Variants in ZSWIM5 observed in about 807,000 individuals in gnomAD.
The protein encoded by ZSWIM5 is zinc finger SWIM domain-containing protein 5.
In ZSWIM5, 55 loss-of-function variants were observed where a neutral mutation model predicts 119.6. The ratio of observed to expected loss-of-function variants is 0.46; its 90% CI spans 0.37 to 0.58. The LOEUF is 0.58. Among genes scored for constraint, ZSWIM5 ranks in the 20% least tolerant of loss-of-function variants. The probability of loss-of-function intolerance (pLI) is 0.00; values close to 1 mark genes in which losing one functional copy is unlikely to be tolerated. For missense variants in ZSWIM5, 1,193 were observed against 1,512.8 expected (o/e 0.79, Z 3.51); for synonymous variants, 537 against 606.9 (o/e 0.88, Z 1.69).
intron 1 of ZSWIM5, among the ~76,000 whole-genome samples, chr1:45,171,485 G>C (rs979150078): frequency 1.5e-4 from 23 of 151,946 alleles, no homozygotes; most frequent in African/African-American, 5.6e-4. Context: ...TCTCTGAAAC[G>C]AAAGTCTACT....
chr1:45,036,193 C>T lies in ZSWIM5; in HGVS notation c.2001G>A (p.Met667Ile). The T allele has an allele frequency of 6.2e-7, 1 of 1,614,106 alleles. No individual in the cohort carries two copies. The highest frequency in any genetic ancestry group is 2.2e-5 in the East Asian group (1 of 44,874). The change falls in exon 9 of 14, where the codon ATG (methionine) becomes ATA (isoleucine). Residue 667 changes from methionine (M) to isoleucine (I), a missense_variant. This residue lies in a region of ZSWIM5 where 961 missense variants were observed against 1,290.0 expected (regional missense o/e 0.74). Transcript: ENST00000359600. Reference protein sequence around the residue: ...YLSLALEVALMGLGQQRLMPE... With the variant: ...YLSLALEVALIGLGQQRLMPE... ...GCATTAACCTCTGTTGACCCAGGCCCATCAGTGCAACTTCCAGGGCCAATG... is the reference window on the plus strand; with the variant it reads ...GCATTAACCTCTGTTGACCCAGGCCTATCAGTGCAACTTCCAGGGCCAATG...
At chr1:45,122,898 C>G (rs1054979166) in intron 1 of ZSWIM5, among the ~76,000 whole-genome samples, 1 of 152,166 alleles carries the variant, frequency 6.6e-6, no homozygotes, top group Admixed American at 6.5e-5. Context: ...CTATGTCCTC[C>G]TCTCCCTGCT....
At chr1:45,068,036 C>T (rs889681217) in intron 2 of ZSWIM5, among the ~76,000 whole-genome samples, 2 of 149,954 alleles carry the variant, frequency 1.3e-5, no homozygotes, top group African/African-American at 4.9e-5. Context: ...AGCATTGAGG[C>T]TTATATAATG....
intron 1 of ZSWIM5, among the ~76,000 whole-genome samples, chr1:45,171,915 A>G (rs1645948123): frequency 6.6e-6 from 1 of 152,154 alleles, no homozygotes; most frequent in African/African-American, 2.4e-5. Context: ...TCTATAACAT[A>G]AAAAGTGTAA....
At chr1:45,184,198 AC>A (rs1425690244) in intron 1 of ZSWIM5, among the ~76,000 whole-genome samples, 14 of 152,174 alleles carry the variant, frequency 9.2e-5, no homozygotes, top group East Asian at 1.9e-4. Flanking sequence ...AAATTCAACA[AC>A]CCTTCATGCT....
chr1:45,114,954 G>A (rs1029653847), intron 1 of ZSWIM5, among the ~76,000 whole-genome samples: 11 of 152,114 alleles, frequency 7.2e-5, no homozygotes, highest in African/African-American at 2.7e-4. Flanking sequence ...GAGAGCACGG[G>A]GTTGGGGGTA....
At chr1:45,153,416 G>A (rs1007364798) in intron 1 of ZSWIM5, among the ~76,000 whole-genome samples, 1 of 151,008 alleles carries the variant, frequency 6.6e-6, no homozygotes, top group African/African-American at 2.4e-5. Context: ...TGAGACATGA[G>A]AATCGCTTGA....
intron 2 of ZSWIM5, chr1:45,070,059 C>T: frequency 1.2e-6 from 1 of 866,390 alleles, no homozygotes; most frequent in East Asian, 2.4e-5. Flanking sequence ...ACACACGAAT[C>T]CAATGACTAG....
At chr1:45,108,671 A>G (rs1265707935) in intron 1 of ZSWIM5, among the ~76,000 whole-genome samples, 1 of 151,748 alleles carries the variant, frequency 6.6e-6, no homozygotes, top group Non-Finnish European at 1.5e-5. Context: ...TGATCTTATA[A>G]TAGTGTCTGG....
At chr1:45,121,648 G>A (rs984741859) in intron 1 of ZSWIM5, among the ~76,000 whole-genome samples, 2 of 142,476 alleles carry the variant, frequency 1.4e-5, no homozygotes, top group African/African-American at 5.4e-5. Flanking sequence ...TGCCTAGGCT[G>A]GAGTGCAGTG....
intron 2 of ZSWIM5, chr1:45,070,028 T>A: frequency 3.8e-6 from 3 of 786,268 alleles, no homozygotes; most frequent in Non-Finnish European, 7.0e-6. Context: ...CTTGAGTAGC[T>A]ATGAAAAACC....
At chr1:45,104,340 T>C (rs1645456825) in intron 1 of ZSWIM5, among the ~76,000 whole-genome samples, 1 of 152,226 alleles carries the variant, frequency 6.6e-6, no homozygotes, top group Admixed American at 6.5e-5. Context: ...CTCCATATAC[T>C]ATCGATACAA....
intron 1 of ZSWIM5, among the ~76,000 whole-genome samples, chr1:45,120,411 C>A (rs1031705586): frequency 6.6e-6 from 1 of 152,178 alleles, no homozygotes; most frequent in Admixed American, 6.5e-5. Flanking sequence ...AACACACTCT[C>A]AATTTCTCAT....
rs372952546 is a variant in ZSWIM5 at position 45,069,287 on chromosome 1, G to A, written c.953-9040C>T. 2.7e-4 allele frequency among the ~76,000 whole-genome samples: 41 copies of A among 152,148 alleles called. 1 individual carries two copies. In the East Asian group the frequency reaches 4.5e-3, roughly 17 times the overall value. On this transcript the variant is annotated intron_variant, in intron 2 of 13. Transcript: ENST00000359600. ...TAAAAATACAAAAAATTAGCCGGGC[G>A]TGGTGGTGGGCGCCTGGAGTCCCAG...
At chr1:45,071,454 C>CTCTTT (rs374225772) in intron 2 of ZSWIM5, among the ~76,000 whole-genome samples, 3 of 93,748 alleles carry the variant, frequency 3.2e-5, no homozygotes, top group East Asian at 3.4e-4. Flanking sequence ...GACAGAATCT[C>CTCTTT]TTTTTTTTTT....
At chr1:45,178,735 CAT>C (rs1474040470) in intron 1 of ZSWIM5, among the ~76,000 whole-genome samples, 3 of 151,932 alleles carry the variant, frequency 2.0e-5, no homozygotes, top group Non-Finnish European at 4.4e-5. Flanking sequence ...TGTGAACAAT[CAT>C]GTGGAATGTT....
chr1:45,110,210 T>C (rs1183040632), intron 1 of ZSWIM5, among the ~76,000 whole-genome samples: 1 of 152,266 alleles, frequency 6.6e-6, no homozygotes, highest in Non-Finnish European at 1.5e-5. Context: ...AACAGTCATA[T>C]TCTGAGCTGA....
intron 1 of ZSWIM5, among the ~76,000 whole-genome samples, chr1:45,178,279 CT>C (rs1474475654): frequency 1.3e-5 from 2 of 152,072 alleles, no homozygotes; most frequent in African/African-American, 2.4e-5. Flanking sequence ...GAAGGGATAG[CT>C]GGGTGTGGTG....
chr1:45,030,024 A>T (rs1226065576), intron 11 of ZSWIM5, among the ~76,000 whole-genome samples: 4 of 152,106 alleles, frequency 2.6e-5, no homozygotes, highest in Non-Finnish European at 5.9e-5. Context: ...AGCTCACTGT[A>T]ACCTCAAACT....
Sources: gnomAD v4.1 joint callset for allele counts (sites outside exome capture counted in the v4.1 genomes callset) on GRCh38, gnomAD v4.1.1 for gene constraint, gnomAD v4.1.1 regional missense constraint, MANE v1.5 for transcripts, NCBI Gene and HGNC (gene_info 2026-07-23, HGNC 2026-07-21) for gene names.